PKHD1: variants seen among roughly 807,000 people sequenced by gnomAD.
PKHD1 encodes the protein fibrocystin.
Under a neutral mutation model 412.0 loss-of-function variants are expected in PKHD1, and 291 were observed. The observed-to-expected ratio is 0.71, with a 90% CI of 0.64 to 0.78. The LOEUF is 0.78. Ranked by LOEUF, PKHD1 falls within the 30% of genes least tolerant of loss-of-function variation. The pLI is 0.00. For synonymous variants in PKHD1, 1,777 were observed against 1,821.5 expected (o/e 0.98, Z 0.62); for missense variants, 4,825 against 4,950.7 (o/e 0.97, Z 0.76).
intron 49 of PKHD1, among the ~76,000 whole-genome samples, chr6:51,849,186 G>A (rs1023827927): frequency 2.6e-5 from 4 of 152,132 alleles, no homozygotes; most frequent in Middle Eastern, 3.2e-3. Context: ...GTTTGCTAAC[G>A]ATGATGGCTT....
chr6:51,695,959 T>C (rs1272401935), intron 60 of PKHD1, among the ~76,000 whole-genome samples: 1 of 152,192 alleles, frequency 6.6e-6, no homozygotes, highest in African/African-American at 2.4e-5. Context: ...GCGTTGATGG[T>C]CCTTTTGCTT....
At chr6:51,776,115 A>T (rs1790983310) in intron 53 of PKHD1, among the ~76,000 whole-genome samples, 194 bp from the exon 54 acceptor site, 1 of 151,964 alleles carries the variant, frequency 6.6e-6, no homozygotes, top group Non-Finnish European at 1.5e-5. Flanking sequence ...AGACTCATGT[A>T]TTATTCACCA....
At chr6:51,754,342 A>G (rs1368317099) in intron 56 of PKHD1, among the ~76,000 whole-genome samples, 1 of 152,200 alleles carries the variant, frequency 6.6e-6, no homozygotes, top group Non-Finnish European at 1.5e-5. Flanking sequence ...TCATGTCAGG[A>G]AGGACACATT....
At chr6:51,666,094 A>T (rs545448400) in intron 60 of PKHD1, among the ~76,000 whole-genome samples, 1 of 152,082 alleles carries the variant, frequency 6.6e-6, no homozygotes, top group African/African-American at 2.4e-5. Flanking sequence ...ATGGTATAAA[A>T]CAGTCATTGT....
chr6:51,949,087 C>T (rs962275033), intron 36 of PKHD1, among the ~76,000 whole-genome samples: 2 of 152,088 alleles, frequency 1.3e-5, no homozygotes, highest in African/African-American at 4.8e-5. Context: ...GATCTGAGAA[C>T]CCCAATTCAT....
chr6:52,028,445 A>G, intron 29 of PKHD1, 94 bp from the exon 30 acceptor site: 1 of 1,177,042 alleles, frequency 8.5e-7, no homozygotes, highest in Non-Finnish European at 1.3e-6. Flanking sequence ...GATTAAATTC[A>G]CAGTCACCCC....
At chr6:51,644,142 G>T (rs1284366898) in intron 63 of PKHD1, among the ~76,000 whole-genome samples, 1 of 151,878 alleles carries the variant, frequency 6.6e-6, no homozygotes. Flanking sequence ...TCATTTTCTG[G>T]AATCGATGAG....
intron 60 of PKHD1, among the ~76,000 whole-genome samples, chr6:51,743,448 T>C (rs910289668): frequency 6.6e-6 from 1 of 152,176 alleles, no homozygotes; most frequent in East Asian, 1.9e-4. Context: ...AAGAATCTTT[T>C]TGAGGCATAT....
chr6:51,821,434 T>G (rs572270447), intron 52 of PKHD1, among the ~76,000 whole-genome samples: 1 of 152,314 alleles, frequency 6.6e-6, no homozygotes, highest in South Asian at 2.1e-4. Flanking sequence ...TTAAAGACAT[T>G]AGTTCCTGAT....
chr6:51,867,459 G>A (rs1005232033), intron 48 of PKHD1, among the ~76,000 whole-genome samples: 17 of 152,184 alleles, frequency 1.1e-4, no homozygotes, highest in African/African-American at 4.1e-4. Flanking sequence ...TTGCTTCCCT[G>A]GAGCATATTG....
At chr6:51,858,179 G>C (rs1034400420) in intron 48 of PKHD1, among the ~76,000 whole-genome samples, 5 of 152,104 alleles carry the variant, frequency 3.3e-5, no homozygotes, top group African/African-American at 4.8e-5. Flanking sequence ...CAGTTATGGG[G>C]TGTTTACATC....
intron 35 of PKHD1, among the ~76,000 whole-genome samples, chr6:51,964,613 T>C (rs983928261): frequency 5.3e-5 from 8 of 152,274 alleles, no homozygotes; most frequent in Middle Eastern, 6.8e-3. Context: ...CTGGCATCTA[T>C]TGGCTACCCC....
intron 29 of PKHD1, among the ~76,000 whole-genome samples, chr6:52,032,689 A>C (rs1257701148): frequency 6.6e-6 from 1 of 152,198 alleles, no homozygotes; most frequent in African/African-American, 2.4e-5. Context: ...ATAATCCTAT[A>C]AATTAGGGGC....
intron 54 of PKHD1, among the ~76,000 whole-genome samples, chr6:51,775,198 T>G (rs1027822589): frequency 5.3e-5 from 8 of 151,818 alleles, no homozygotes; most frequent in African/African-American, 1.7e-4. Context: ...TTGAAGAAAA[T>G]TGCTTCATGC....
At chr6:51,831,066 A>G (rs1768163441) in intron 51 of PKHD1, 77 bp from the exon 52 acceptor site, 1 of 1,123,098 alleles carries the variant, frequency 8.9e-7, no homozygotes, top group East Asian at 2.5e-5. Context: ...TTAGGATGCT[A>G]GTGGTATTTT....
At chr6:51,917,216 G>T (rs989591089) in intron 37 of PKHD1, among the ~76,000 whole-genome samples, 1 of 149,254 alleles carries the variant, frequency 6.7e-6, no homozygotes, top group African/African-American at 2.5e-5. Flanking sequence ...GAGAGAGAGA[G>T]AAAGGAGAAA....
chr6:52,002,140 T>A (rs1210330727), intron 35 of PKHD1, among the ~76,000 whole-genome samples: 1 of 152,216 alleles, frequency 6.6e-6, no homozygotes, highest in African/African-American at 2.4e-5. Context: ...AAATCCAGTT[T>A]TATTTTAGAG....
At chr6:52,034,165 T>C (rs1369660298) in intron 28 of PKHD1, among the ~76,000 whole-genome samples, 4 of 99,050 alleles carry the variant, frequency 4.0e-5, no homozygotes, top group Middle Eastern at 4.8e-3. Context: ...GAAAATAAAA[T>C]AGGAACTCTA....
At position 51,639,055 on chromosome 6, in the gene PKHD1, C is replaced by G. The variant is rs924159064; in HGVS notation, c.11399-99G>C. 4.3e-6 allele frequency: 4 copies of G among 930,440 alleles called. No individual in the cohort carries two copies. In the African/African-American group the frequency reaches 6.5e-5, roughly 15 times the overall value. The allele number at this position is 930,440 out of a possible 1,614,324, so 57.6% of individuals were successfully genotyped here. A position where few individuals can be genotyped will look rare whatever the true frequency, so the allele number is the denominator to read the frequency against. On this transcript the variant is annotated intron_variant, in intron 63 of 66. Coordinates refer to ENST00000371117, the MANE Select transcript of PKHD1 (RefSeq NM_138694.4). ...AGGCAGACATTTGGACAATAAAGGA[C>G]AATTTTTTAAACTCAAAGAGGTTAC...
Sources: allele counts gnomAD v4.1 joint callset (sites outside exome capture counted in the v4.1 genomes callset), GRCh38; gene constraint gnomAD v4.1.1; transcripts MANE v1.5; gene names NCBI Gene and HGNC (gene_info 2026-07-23, HGNC 2026-07-21).